EEA1: variants seen among roughly 807,000 people sequenced by gnomAD.
EEA1 encodes early endosome antigen 1, also known as early endosome antigen 1, 162kD.
EEA1 carries 111 observed loss-of-function variants against 209.2 expected under a neutral mutation model. The ratio of observed to expected loss-of-function variants is 0.53; its 90% CI spans 0.45 to 0.62. The LOEUF is 0.62. Ranked by LOEUF, EEA1 falls within the 20% of genes least tolerant of loss-of-function variation. The probability of loss-of-function intolerance (pLI) is 0.00; values close to 1 mark genes in which losing one functional copy is unlikely to be tolerated. For missense variants in EEA1, 1,343 were observed against 1,530.8 expected (o/e 0.88, Z 2.05); for synonymous variants, 536 against 540.6 (o/e 0.99, Z 0.12).
At chr12:92,807,665 C>A (rs1875280330) in intron 18 of EEA1, among the ~76,000 whole-genome samples, 1 of 151,916 alleles carries the variant, frequency 6.6e-6, no homozygotes, top group South Asian at 2.1e-4. Context: ...ATTTAAAAAA[C>A]AATTACATTT....
At chr12:92,852,501 G>C (rs767766994) in intron 7 of EEA1, among the ~76,000 whole-genome samples, 1 of 151,872 alleles carries the variant, frequency 6.6e-6, no homozygotes, top group Non-Finnish European at 1.5e-5. Flanking sequence ...TCAACATTAA[G>C]TTAATAATTA....
At chr12:92,874,284 C>T (rs201060496) in intron 2 of EEA1, among the ~76,000 whole-genome samples, 31 of 152,086 alleles carry the variant, frequency 2.0e-4, no homozygotes, top group East Asian at 9.6e-4. Context: ...CACACCACTG[C>T]ACTCCAGCCC....
At chr12:92,780,016 T>C (rs2136649026) in intron 24 of EEA1, among the ~76,000 whole-genome samples, 1 of 152,158 alleles carries the variant, frequency 6.6e-6, no homozygotes, top group East Asian at 1.9e-4. Flanking sequence ...AATACATCTC[T>C]TGATTATCAT....
chr12:92,842,695 A>T (rs1406453972), intron 9 of EEA1, 114 bp from the exon 10 acceptor site: 1 of 677,438 alleles, frequency 1.5e-6, no homozygotes, highest in Non-Finnish European at 2.5e-6. Flanking sequence ...TGGAATTTTC[A>T]ATTTTGTTCT....
At chr12:92,788,888 T>G (rs1874259689) in intron 21 of EEA1, among the ~76,000 whole-genome samples, 1 of 152,168 alleles carries the variant, frequency 6.6e-6, no homozygotes, top group Non-Finnish European at 1.5e-5. Context: ...TGGTGATAAC[T>G]TCTCAAAATC....
chr12:92,842,805 T>C (rs1034169081), intron 9 of EEA1, among the ~76,000 whole-genome samples: 5 of 152,324 alleles, frequency 3.3e-5, no homozygotes, highest in Admixed American at 1.3e-4. Context: ...TAGTAATACA[T>C]AAAATGAAAA....
In EEA1 at chr12:92,779,133, A is replaced by T; in HGVS notation, c.3636T>A (p.Ile1212=). 6.2e-7 allele frequency: 1 copy of T among 1,601,362 alleles called. No homozygotes were observed. The highest frequency in any genetic ancestry group is 8.5e-7 in the Non-Finnish European group (1 of 1,177,022). ...KEEEELKKEF[I]EKEAKLHSEI... is the part of the protein sequence containing the mutation. ...CACTGACCAACTTAGCTTCTTTCTCAATAAATTCTTTCTTCAGCTCCTCTT... is the reference window on the plus strand; with the variant it reads ...CACTGACCAACTTAGCTTCTTTCTCTATAAATTCTTTCTTCAGCTCCTCTT... The change falls in exon 25 of 29, where the codon ATT becomes ATA. Residue 1212 remains isoleucine, a synonymous_variant. Transcript: ENST00000322349.
At chr12:92,781,476 T>C (rs926133115) in intron 23 of EEA1, among the ~76,000 whole-genome samples, 5 of 152,218 alleles carry the variant, frequency 3.3e-5, no homozygotes, top group African/African-American at 1.2e-4. Flanking sequence ...TTTAAAGTGA[T>C]TTTTAAAATG....
chr12:92,777,439 A>G (rs929893410), intron 27 of EEA1, 104 bp downstream of exon 27: 2 of 1,257,872 alleles, frequency 1.6e-6, no homozygotes, highest in Non-Finnish European at 2.2e-6. Context: ...TAGCTATTTG[A>G]AAGTATTTAT....
intron 10 of EEA1, 115 bp downstream of exon 10, chr12:92,842,348 TAA>T (rs367692433): frequency 1.4e-3 from 702 of 487,058 alleles, no homozygotes; most frequent in Middle Eastern, 2.3e-3. Context: ...TATTAAACAC[TAA>T]AAAAAAAAAA....
At chr12:92,866,946 T>C (rs1231200588) in intron 2 of EEA1, among the ~76,000 whole-genome samples, 2 of 152,190 alleles carry the variant, frequency 1.3e-5, no homozygotes, top group East Asian at 1.9e-4. Context: ...TCCATCCTCA[T>C]TGCAGCTGCT....
intron 19 of EEA1, among the ~76,000 whole-genome samples, chr12:92,802,102 T>C (rs903890451): frequency 2.0e-5 from 3 of 151,934 alleles, no homozygotes; most frequent in Admixed American, 6.6e-5. Context: ...ATAGGAAAAG[T>C]GTACAGATAG....
chr12:92,810,746 G>A (rs1875452501), intron 17 of EEA1, among the ~76,000 whole-genome samples: 1 of 151,944 alleles, frequency 6.6e-6, no homozygotes, highest in Admixed American at 6.5e-5. Flanking sequence ...ATCCTTCTGA[G>A]ATGTCTAATC....
chr12:92,863,503 C>A (rs1477259511), intron 3 of EEA1, among the ~76,000 whole-genome samples: 1 of 152,224 alleles, frequency 6.6e-6, no homozygotes, highest in Non-Finnish European at 1.5e-5. Context: ...GAGCTCCCAG[C>A]TGGCATCCAA....
At chr12:92,797,741 T>C (rs750553140) in intron 21 of EEA1, among the ~76,000 whole-genome samples, 1 of 152,198 alleles carries the variant, frequency 6.6e-6, no homozygotes, top group African/African-American at 2.4e-5. Context: ...CTTTTGATTA[T>C]ATATGGTAAG....
rs1025537471 is a variant in EEA1 at position 92,787,214 on chromosome 12, G to A, written c.3150+653C>T. On this transcript the variant is annotated intron_variant, in intron 22 of 28. Transcript: ENST00000322349. ...AAAGCATTTCCCCTTAACAAAAAGA[G>A]AGACAGAAAAAAAACTGGCTGAATC... Among the ~76,000 whole-genome samples, 6 of 151,974 alleles carry A rather than the reference G, an allele frequency of 3.9e-5. No homozygotes were observed. The East Asian group carries it at 1.2e-3, about 29-fold the overall frequency.
intron 3 of EEA1, among the ~76,000 whole-genome samples, chr12:92,857,824 C>T (rs77414736): frequency 0.015 from 2,285 of 152,278 alleles, 53 homozygotes; most frequent in African/African-American, 0.052. Context: ...AAAATCTAAA[C>T]TCATTAACAT....
intron 14 of EEA1, among the ~76,000 whole-genome samples, chr12:92,818,058 G>A (rs530350806): frequency 6.6e-6 from 1 of 152,242 alleles, no homozygotes; most frequent in African/African-American, 2.4e-5. Context: ...CACTTTACAA[G>A]TACAAAACTT....
Position 92,770,649 on chromosome 12 carries a change from A to G in EEA1, c.*5362T>C, listed in dbSNP as rs1873385110. The G allele has an allele frequency of 6.5e-6, 1 of 153,144 alleles. No individual in the cohort carries two copies. Among genetic ancestry groups the G allele is most frequent in the African/African-American group, 2.4e-5 (1 of 41,452 alleles). 9.5% of individuals were successfully genotyped at this position (153,144 alleles called of 1,614,324 possible). On this transcript the variant is annotated 3_prime_UTR_variant, in exon 29 of 29. Transcript: ENST00000322349. ...TTAACCGCTTTATAGTCCTACCTCA[A>G]ACATAATGATAAATCTTTAGATACA...
Sources: gnomAD v4.1 joint callset for allele counts (sites outside exome capture counted in the v4.1 genomes callset) on GRCh38, gnomAD v4.1.1 for gene constraint, MANE v1.5 for transcripts, NCBI Gene and HGNC (gene_info 2026-07-23, HGNC 2026-07-21) for gene names.